The following L3MBTL4 variants were observed in gnomAD, a reference collection of about 807,000 sequenced individuals.
L3MBTL4 encodes lethal(3)malignant brain tumor-like protein 4.
A neutral mutation model predicts 84.5 loss-of-function variants in L3MBTL4; 70 were observed. The ratio of observed to expected loss-of-function variants is 0.83; its 90% confidence interval spans 0.68 to 1.01. L3MBTL4 has a LOEUF of 1.01. Among genes scored for constraint, L3MBTL4 ranks in the 50% least tolerant of loss-of-function variants. The pLI, the probability that L3MBTL4 is intolerant of heterozygous loss-of-function variation, is 0.00. For synonymous variants in L3MBTL4, 274 were observed against 259.8 expected (o/e 1.05, Z -0.52); for missense variants, 715 against 754.8 (o/e 0.95, Z 0.62).
chr18:6,198,212 C>T (rs975676565), intron 12 of L3MBTL4, among the ~76,000 whole-genome samples: 3 of 152,180 alleles, frequency 2.0e-5, no homozygotes, highest in Non-Finnish European at 4.4e-5. Context: ...CTGCACCAAG[C>T]TTATCTCAGG....
intron 1 of L3MBTL4, among the ~76,000 whole-genome samples, chr18:6,386,988 G>C (rs1366677885): frequency 6.6e-6 from 1 of 152,184 alleles, no homozygotes; most frequent in Non-Finnish European, 1.5e-5. Context: ...ATGGTGGCTT[G>C]GGGGTAGATG....
intron 4 of L3MBTL4, among the ~76,000 whole-genome samples, chr18:6,286,421 G>T (rs985971415): frequency 4.0e-5 from 6 of 151,522 alleles, no homozygotes; most frequent in African/African-American, 1.5e-4. Flanking sequence ...CCGAGATCAC[G>T]CCACTGCACT....
chr18:5,992,187 G>A (rs2053730568), intron 16 of L3MBTL4, among the ~76,000 whole-genome samples: 1 of 152,188 alleles, frequency 6.6e-6, no homozygotes, highest in Non-Finnish European at 1.5e-5. Flanking sequence ...GCTGAGTTCA[G>A]GCTGACAATA....
At chr18:6,162,407 A>T (rs1450032434) in intron 13 of L3MBTL4, among the ~76,000 whole-genome samples, 3 of 152,220 alleles carry the variant, frequency 2.0e-5, no homozygotes, top group African/African-American at 7.2e-5. Context: ...TCAAAAAAAA[A>T]TCCGAAAGTT....
At chr18:6,245,227 G>A (rs2047610587) in intron 5 of L3MBTL4, among the ~76,000 whole-genome samples, 2 of 152,172 alleles carry the variant, frequency 1.3e-5, no homozygotes, top group Non-Finnish European at 2.9e-5. Flanking sequence ...TCACTGTATA[G>A]TTTAGAAGCT....
intron 8 of L3MBTL4, 141 bp downstream of exon 8, chr18:6,241,217 C>G: frequency 1.7e-6 from 1 of 600,868 alleles, no homozygotes; most frequent in Non-Finnish European, 3.0e-6. Flanking sequence ...AAGAAACTGA[C>G]GAATTAGGTG....
intron 16 of L3MBTL4, among the ~76,000 whole-genome samples, chr18:5,995,720 AGAG>A (rs1262645032): frequency 2.0e-5 from 3 of 152,208 alleles, no homozygotes; most frequent in African/African-American, 7.2e-5. Flanking sequence ...AAATGACAGC[AGAG>A]GAGAAGGGGC....
At chr18:6,013,311 T>C (rs2054820528) in intron 16 of L3MBTL4, among the ~76,000 whole-genome samples, 1 of 152,306 alleles carries the variant, frequency 6.6e-6, no homozygotes, top group East Asian at 1.9e-4. Context: ...GCCAGCTCTC[T>C]CTCCTTCCAG....
At chr18:6,004,997 A>AATTTTTT (rs2054398378) in intron 16 of L3MBTL4, among the ~76,000 whole-genome samples, 1 of 52,150 alleles carries the variant, frequency 1.9e-5, no homozygotes, top group Non-Finnish European at 3.5e-5. Flanking sequence ...TAAGATGATA[A>AATTTTTT]TTTTTTTTTT....
chr18:6,352,507 G>C (rs1386254513), intron 1 of L3MBTL4, among the ~76,000 whole-genome samples: 1 of 152,160 alleles, frequency 6.6e-6, no homozygotes, highest in Non-Finnish European at 1.5e-5. Flanking sequence ...TTCTGATCTA[G>C]AGGAAAAATA....
chr18:6,121,685 CGTGTGTGTGTGTGT>C (rs762077935), intron 14 of L3MBTL4, among the ~76,000 whole-genome samples: 1 of 142,834 alleles, frequency 7.0e-6, no homozygotes, highest in Admixed American at 7.0e-5. Context: ...ATTGTTTCCC[CGTGTGTGTGTGTGT>C]GTGTGTGTGT....
chr18:6,146,334 GT>G (rs1484811393), intron 13 of L3MBTL4, among the ~76,000 whole-genome samples: 1 of 152,198 alleles, frequency 6.6e-6, no homozygotes, highest in African/African-American at 2.4e-5. Context: ...TGGCGAGTTC[GT>G]GTCCATGAAG....
At chr18:6,190,824 G>T (rs955866261) in intron 12 of L3MBTL4, among the ~76,000 whole-genome samples, 3 of 152,170 alleles carry the variant, frequency 2.0e-5, no homozygotes, top group Admixed American at 1.3e-4. Context: ...GAAAAGATAG[G>T]CTTAAAAGAG....
chr18:6,294,131 G>C (rs1028824814), intron 4 of L3MBTL4, among the ~76,000 whole-genome samples: 1 of 151,978 alleles, frequency 6.6e-6, no homozygotes, highest in Admixed American at 6.6e-5. Flanking sequence ...GGGGTGATGA[G>C]GTATCGGATT....
chr18:6,205,179 T>C (rs751651414), intron 12 of L3MBTL4, among the ~76,000 whole-genome samples: 1 of 151,972 alleles, frequency 6.6e-6, no homozygotes, highest in Non-Finnish European at 1.5e-5. Flanking sequence ...AAGAGGAAAA[T>C]AGGAGTGTCA....
intron 16 of L3MBTL4, among the ~76,000 whole-genome samples, chr18:6,072,163 G>A (rs1001908384): frequency 6.6e-6 from 1 of 152,088 alleles, no homozygotes; most frequent in Admixed American, 6.6e-5. Flanking sequence ...GCCTAAAAAT[G>A]TGTATAATAA....
At chr18:6,216,348 T>C (rs999801837) in intron 10 of L3MBTL4, among the ~76,000 whole-genome samples, 6 of 152,354 alleles carry the variant, frequency 3.9e-5, no homozygotes, top group East Asian at 1.9e-4. Flanking sequence ...TTGAACATGA[T>C]ATAAAGAACT....
At chr18:6,363,189 A>G (rs2144052987) in intron 1 of L3MBTL4, among the ~76,000 whole-genome samples, 1 of 152,316 alleles carries the variant, frequency 6.6e-6, no homozygotes, top group Middle Eastern at 3.4e-3. Context: ...CTGAGTTCGT[A>G]AATTGTGGCA....
At chr18:6,366,657 C>A (rs186743953) in intron 1 of L3MBTL4, among the ~76,000 whole-genome samples, 5 of 152,282 alleles carry the variant, frequency 3.3e-5, no homozygotes, top group Admixed American at 1.3e-4. Flanking sequence ...AAATAGGTGT[C>A]TAATTTCACA....
Sources: allele counts gnomAD v4.1 joint callset (sites outside exome capture counted in the v4.1 genomes callset), GRCh38; gene constraint gnomAD v4.1.1; transcripts MANE v1.5; gene names NCBI Gene and HGNC (gene_info 2026-07-23, HGNC 2026-07-21).